The following CSMD3 variants were observed in gnomAD, a reference collection of about 807,000 sequenced individuals.
CSMD3 encodes the protein CUB and sushi domain-containing protein 3.
In CSMD3, 177 loss-of-function variants were observed where a neutral mutation model predicts 435.2. The ratio of observed to expected loss-of-function variants is 0.41; its 90% CI spans 0.36 to 0.46. The LOEUF (loss-of-function observed/expected upper bound fraction) is 0.46, where lower values mean the gene tolerates loss of function less well. Among genes scored for constraint, CSMD3 ranks in the 20% least tolerant of loss-of-function variants. The pLI is 0.34. For synonymous variants in CSMD3, 1,656 were observed against 1,520.5 expected (o/e 1.09, Z -2.07); for missense variants, 4,265 against 4,504.6 (o/e 0.95, Z 1.52).
chr8:112,690,907 C>T (rs887216240), intron 13 of CSMD3, among the ~76,000 whole-genome samples: 5 of 151,896 alleles, frequency 3.3e-5, no homozygotes, highest in Non-Finnish European at 7.4e-5. Context: ...AAAAATGTAA[C>T]TTTAAGATAA....
At chr8:112,938,608 T>C (rs1479920962) in intron 9 of CSMD3, among the ~76,000 whole-genome samples, 1 of 152,148 alleles carries the variant, frequency 6.6e-6, no homozygotes, top group African/African-American at 2.4e-5. Context: ...ACAATTTGTA[T>C]TAAGCAACTA....
At chr8:113,018,535 C>T (rs889632381) in intron 6 of CSMD3, among the ~76,000 whole-genome samples, 4 of 152,086 alleles carry the variant, frequency 2.6e-5, no homozygotes, top group African/African-American at 9.7e-5. Flanking sequence ...GCTACATTTT[C>T]ATTAGTACTC....
At chr8:112,384,981 G>A (rs578090755) in intron 36 of CSMD3, among the ~76,000 whole-genome samples, 3 of 152,316 alleles carry the variant, frequency 2.0e-5, no homozygotes, top group East Asian at 1.9e-4. Flanking sequence ...TTATTCCACT[G>A]AAGGAAATTA....
intron 3 of CSMD3, among the ~76,000 whole-genome samples, chr8:113,222,114 C>G (rs149060276): frequency 6.6e-6 from 1 of 151,070 alleles, no homozygotes; most frequent in East Asian, 1.9e-4. Context: ...GATTACTGTT[C>G]CTAAAGATTT....
rs2131201741 is a variant in CSMD3, at chr8:112,552,649, C to T, written c.4306G>A (p.Asp1436Asn). ...ILSPGYPFPYDNNLRCMWMIE... is the reference protein window; with the variant it reads ...ILSPGYPFPYNNNLRCMWMIE... The stretch of plus-strand genomic sequence containing the variant: ...ATCCACATGCAACGCAGGTTATTGT[C>T]ATATGGAAAAGGATAGCCAGGAGAT... The change falls in exon 26 of 71, where the codon GAC (aspartate) becomes AAC (asparagine). Residue 1436 changes from aspartate (D) to asparagine (N), a missense_variant. Coordinates refer to ENST00000297405, the MANE Select transcript of CSMD3 (RefSeq NM_198123.2). The T allele has an allele frequency of 1.2e-6, 2 of 1,612,230 alleles. No homozygotes were observed. The highest frequency in any genetic ancestry group is 8.5e-7 in the Non-Finnish European group (1 of 1,178,852).
chr8:112,224,631 C>A lies in CSMD3; in HGVS notation c.*140G>T, dbSNP rs1170932350. On this transcript the variant is annotated 3_prime_UTR_variant, in exon 71 of 71. Coordinates refer to ENST00000297405, the MANE Select transcript of CSMD3 (RefSeq NM_198123.2). ...AATTATGGTCCAGTTTATGAAAAAA[C>A]ACTCTTCTGTATCATTCCTCAGGAA... is the stretch of plus-strand genomic sequence containing the variant. The A allele has an allele frequency of 4.8e-6, 4 of 836,924 alleles. No individual in the cohort carries two copies. The highest frequency in any genetic ancestry group is 8.2e-6 in the Non-Finnish European group (4 of 487,844). 51.8% of individuals were successfully genotyped at this position (836,924 alleles called of 1,614,324 possible). A position where few individuals can be genotyped will look rare whatever the true frequency, so the allele number is the denominator to read the frequency against.
chr8:112,993,846 T>C (rs566377533), intron 6 of CSMD3, among the ~76,000 whole-genome samples: 4 of 151,822 alleles, frequency 2.6e-5, no homozygotes, highest in Non-Finnish European at 4.4e-5. Flanking sequence ...TTCTGAGACA[T>C]AGGCAGAGAG....
chr8:112,875,276 CAG>C, intron 10 of CSMD3, among the ~76,000 whole-genome samples: 1 of 152,266 alleles, frequency 6.6e-6, no homozygotes, highest in Non-Finnish European at 1.5e-5. Context: ...AGGGTTTCTG[CAG>C]AGAGTTCCAC....
chr8:112,598,227 GACAA>G (rs1484489944), intron 22 of CSMD3, among the ~76,000 whole-genome samples: 2 of 130,984 alleles, frequency 1.5e-5, no homozygotes, highest in African/African-American at 3.0e-5. Flanking sequence ...ACCAACAACA[GACAA>G]ACAGAGAGCC....
At chr8:112,305,427 T>C (rs1403837460) in intron 51 of CSMD3, among the ~76,000 whole-genome samples, 1 of 152,022 alleles carries the variant, frequency 6.6e-6, no homozygotes, top group African/African-American at 2.4e-5. Flanking sequence ...ATAATCGAAA[T>C]ATAGAGAAAA....
chr8:112,593,316 T>C (rs1328898586), intron 22 of CSMD3, among the ~76,000 whole-genome samples: 9 of 152,262 alleles, frequency 5.9e-5, no homozygotes, highest in Non-Finnish European at 1.0e-4. Context: ...CTAGAGAAGA[T>C]TGTTGTAGTG....
chr8:112,487,732 A>G (rs751742515), intron 31 of CSMD3, among the ~76,000 whole-genome samples: 13 of 152,150 alleles, frequency 8.5e-5, no homozygotes, highest in Non-Finnish European at 1.6e-4. Context: ...GCGCCATTAG[A>G]TAAAATAAGT....
intron 21 of CSMD3, among the ~76,000 whole-genome samples, chr8:112,637,544 T>C (rs2074696688): frequency 1.3e-5 from 2 of 152,112 alleles, no homozygotes; most frequent in Admixed American, 6.6e-5. Flanking sequence ...TTGAAAACTA[T>C]TGTATTATGG....
chr8:112,483,552 C>T (rs1819833540), intron 31 of CSMD3, among the ~76,000 whole-genome samples: 1 of 152,058 alleles, frequency 6.6e-6, no homozygotes, highest in South Asian at 2.1e-4. Flanking sequence ...GACTGAGTAG[C>T]CTTAGGACAG....
Position 113,030,417 on chromosome 8 carries a change from T to TAAA in CSMD3, c.918-11241_918-11239dup, listed in dbSNP as rs35890606. ...AGTCACCAAAACACTTTGGTACTGG[T>TAAA]AAAAAAAAAAAAAAAAAAAAAAAAA... On this transcript the variant is annotated intron_variant, in intron 5 of 70. Coordinates refer to ENST00000297405, the MANE Select transcript of CSMD3 (RefSeq NM_198123.2). Among the ~76,000 whole-genome samples, 158 of 23,854 alleles carry TAAA rather than the reference T, an allele frequency of 6.6e-3. 2 individuals are homozygous for TAAA. The highest frequency in any genetic ancestry group is 0.02 in the African/African-American group (87 of 4,290). 15.6% of individuals were successfully genotyped at this position (23,854 alleles called of 152,430 possible).
intron 32 of CSMD3, among the ~76,000 whole-genome samples, chr8:112,424,935 C>T (rs533651640): frequency 3.3e-5 from 5 of 152,286 alleles, no homozygotes; most frequent in Admixed American, 6.5e-5. Flanking sequence ...TGCGGTCTGC[C>T]CACCTCAGCC....
intron 9 of CSMD3, among the ~76,000 whole-genome samples, chr8:112,924,768 T>C (rs2082859557): frequency 6.6e-6 from 1 of 152,070 alleles, no homozygotes; most frequent in Admixed American, 6.6e-5. Context: ...AAAAGTAGTT[T>C]AGAGTAGTGG....
intron 2 of CSMD3, chr8:113,310,652 G>C (rs966164305): frequency 3.3e-5 from 5 of 151,820 alleles, no homozygotes; most frequent in African/African-American, 1.2e-4. Context: ...AGTCTGGGAA[G>C]ACTGAGAGGT....
intron 4 of CSMD3, among the ~76,000 whole-genome samples, chr8:113,172,698 A>T (rs759818968): frequency 2.0e-5 from 3 of 152,210 alleles, no homozygotes; most frequent in Non-Finnish European, 4.4e-5. Flanking sequence ...TCTAATTACC[A>T]GGAGGTTGTG....
Sources: allele counts gnomAD v4.1 joint callset (sites outside exome capture counted in the v4.1 genomes callset), GRCh38; gene constraint gnomAD v4.1.1; transcripts MANE v1.5; gene names NCBI Gene and HGNC (gene_info 2026-07-23, HGNC 2026-07-21).